The following ADK variants were observed in gnomAD, a reference collection of about 807,000 sequenced individuals.
The protein encoded by ADK is N6,N6-dimethyladenosine kinase.
In ADK, 24 loss-of-function variants were observed where a neutral mutation model predicts 44.7. The ratio of observed to expected loss-of-function variants is 0.54; its 90% CI spans 0.39 to 0.76. The LOEUF (loss-of-function observed/expected upper bound fraction) is 0.76. Ranked by LOEUF, ADK falls within the 30% of genes least tolerant of loss-of-function variation. ADK has a pLI of 0.00. For missense variants in ADK, 321 were observed against 425.1 expected (o/e 0.76, Z 2.15); for synonymous variants, 128 against 142.6 (o/e 0.90, Z 0.73).
chr10:74,562,149 G>A (rs1210286633), intron 7 of ADK, among the ~76,000 whole-genome samples: 1 of 152,044 alleles, frequency 6.6e-6, no homozygotes, highest in Admixed American at 6.6e-5. Context: ...AGTGAGACAG[G>A]GAAACACCAA....
intron 1 of ADK, among the ~76,000 whole-genome samples, chr10:74,160,655 A>G (rs949903727): frequency 6.6e-6 from 1 of 150,970 alleles, no homozygotes; most frequent in Non-Finnish European, 1.5e-5. Flanking sequence ...GTGTGCGTGC[A>G]TGCAGGTAGG....
chr10:74,464,044 A>AGATTCCT (rs1846264304), intron 6 of ADK, among the ~76,000 whole-genome samples: 1 of 152,158 alleles, frequency 6.6e-6, no homozygotes, highest in South Asian at 2.1e-4. Context: ...AGACACTCAG[A>AGATTCCT]GATTCCTGTA....
intron 6 of ADK, among the ~76,000 whole-genome samples, chr10:74,441,367 T>C (rs1393377231): frequency 1.3e-5 from 2 of 152,162 alleles, no homozygotes; most frequent in East Asian, 1.9e-4. Flanking sequence ...AGAGTTACCA[T>C]ATGACCCAGC....
chr10:74,455,519 C>CTT (rs61163563), intron 6 of ADK, among the ~76,000 whole-genome samples: 14 of 150,344 alleles, frequency 9.3e-5, no homozygotes, highest in East Asian at 2.0e-4. Context: ...AAATTCTTTT[C>CTT]TTTTTTTTTG....
intron 6 of ADK, among the ~76,000 whole-genome samples, chr10:74,417,319 G>T (rs11001033): frequency 4.6e-5 from 7 of 152,172 alleles, no homozygotes; most frequent in East Asian, 3.9e-4. Context: ...TATAACGGAA[G>T]ACTTTTTAAG....
chr10:74,668,008 T>C (rs1178604434), intron 9 of ADK, among the ~76,000 whole-genome samples: 2 of 152,220 alleles, frequency 1.3e-5, no homozygotes, highest in African/African-American at 4.8e-5. Flanking sequence ...TATTTTCCAA[T>C]CTGTAAGTCT....
chr10:74,154,568 C>T (rs575156935), intron 1 of ADK, among the ~76,000 whole-genome samples: 1 of 152,314 alleles, frequency 6.6e-6, no homozygotes, highest in South Asian at 2.1e-4. Flanking sequence ...CGTGCCCTGC[C>T]TTCCCAGACC....
intron 9 of ADK, among the ~76,000 whole-genome samples, chr10:74,631,210 T>A (rs537906942): frequency 6.6e-6 from 1 of 151,992 alleles, no homozygotes; most frequent in Non-Finnish European, 1.5e-5. Flanking sequence ...CATCTATATC[T>A]GTGTCTATAT....
Position 74,178,010 on chromosome 10 carries a change from C to G in ADK, c.66-22754C>G, listed in dbSNP as rs577868019. On this transcript the variant is annotated intron_variant, in intron 1 of 10. Transcript: ENST00000539909. Reference sequence around the variant, plus strand: ...AGGCTGGAGTGCAATGGCGCGCTCTCTGCTCACTGCAATCTCCGCCTCCCG... The same window carrying G: ...AGGCTGGAGTGCAATGGCGCGCTCTGTGCTCACTGCAATCTCCGCCTCCCG... Among the ~76,000 whole-genome samples, 4 of 150,098 alleles carry G rather than the reference C, an allele frequency of 2.7e-5. No individual in the cohort carries two copies. The East Asian group carries it at 7.8e-4, about 29-fold the overall frequency.
chr10:74,584,569 G>T (rs1851470232), intron 7 of ADK, among the ~76,000 whole-genome samples: 1 of 152,088 alleles, frequency 6.6e-6, no homozygotes, highest in South Asian at 2.1e-4. Flanking sequence ...ATTATACAGA[G>T]ATTTTTATAC....
chr10:74,250,173 A>G (rs1405322491), intron 3 of ADK, among the ~76,000 whole-genome samples: 1 of 152,202 alleles, frequency 6.6e-6, no homozygotes. Context: ...GGCAGTAACT[A>G]GCTATTATAT....
At chr10:74,624,387 T>A (rs1198824079) in intron 9 of ADK, among the ~76,000 whole-genome samples, 1 of 152,142 alleles carries the variant, frequency 6.6e-6, no homozygotes, top group Admixed American at 6.5e-5. Flanking sequence ...TTTCTGTGTT[T>A]TTAAAGCCTT....
chr10:74,200,601 T>C (rs1400378911), intron 1 of ADK, among the ~76,000 whole-genome samples, 163 bp from the exon 2 acceptor site: 1 of 152,184 alleles, frequency 6.6e-6, no homozygotes, highest in Non-Finnish European at 1.5e-5. Context: ...TTATGCTACC[T>C]CTAAAATGTT....
chr10:74,580,701 A>G (rs1346120885), intron 7 of ADK, among the ~76,000 whole-genome samples: 23 of 151,948 alleles, frequency 1.5e-4, no homozygotes, highest in Non-Finnish European at 1.5e-5. Context: ...GCCACATGGA[A>G]CTCTAAGTCC....
rs535145119 is a variant in ADK, at chr10:74,380,195, C to T, written c.274-13946C>T. 5.3e-4 allele frequency among the ~76,000 whole-genome samples: 80 copies of T among 152,222 alleles called. 1 individual carries two copies. In the South Asian group the frequency reaches 8.9e-3, roughly 17 times the overall value. On this transcript the variant is annotated intron_variant, in intron 4 of 10. Transcript: ENST00000539909. ...TGTGGAATCTCCATGAAAATAAGGA[C>T]CAGCCTGACTTGTTCAAGTTTGTGG...
chr10:74,707,836 A>G (rs902022703), intron 10 of ADK, among the ~76,000 whole-genome samples: 1 of 151,612 alleles, frequency 6.6e-6, no homozygotes, highest in African/African-American at 2.4e-5. Flanking sequence ...AGCTCTTTAG[A>G]ATAAATATTA....
chr10:74,237,018 C>G (rs1018715389), intron 3 of ADK, among the ~76,000 whole-genome samples: 1 of 152,086 alleles, frequency 6.6e-6, no homozygotes, highest in Admixed American at 6.6e-5. Flanking sequence ...ATGTTGGTTG[C>G]TGAAGGTTGG....
At chr10:74,609,611 T>C (rs1852468441) in intron 9 of ADK, among the ~76,000 whole-genome samples, 1 of 152,108 alleles carries the variant, frequency 6.6e-6, no homozygotes, top group East Asian at 1.9e-4. Flanking sequence ...GGACTCTCAG[T>C]TGGAAATGTA....
At chr10:74,329,278 G>A (rs1316748604) in intron 4 of ADK, among the ~76,000 whole-genome samples, 2 of 152,050 alleles carry the variant, frequency 1.3e-5, no homozygotes, top group Non-Finnish European at 2.9e-5. Context: ...GGATAACAAA[G>A]TAAAAAACCA....
Sources: gnomAD v4.1 joint callset for allele counts (sites outside exome capture counted in the v4.1 genomes callset) on GRCh38, gnomAD v4.1.1 for gene constraint, MANE v1.5 for transcripts, NCBI Gene and HGNC (gene_info 2026-07-23, HGNC 2026-07-21) for gene names.